Variants in CAPSL observed in about 807,000 individuals in gnomAD.
CAPSL encodes calcyphosin-like protein.
In CAPSL, 17 loss-of-function variants were observed where a neutral mutation model predicts 21.3. The observed-to-expected ratio is 0.80, with a 90% CI of 0.55 to 1.20. The LOEUF (loss-of-function observed/expected upper bound fraction) is 1.20. Ranked by LOEUF, CAPSL falls within the 50% of genes most tolerant of loss-of-function variation. The pLI is 0.00. For synonymous variants in CAPSL, 102 were observed against 89.3 expected (o/e 1.14, Z -0.80); for missense variants, 289 against 259.3 (o/e 1.11, Z -0.79).
intron 2 of CAPSL, among the ~76,000 whole-genome samples, chr5:35,913,985 A>G (rs1738301264): frequency 1.3e-5 from 2 of 152,228 alleles, no homozygotes. Context: ...AGAGACACAC[A>G]CAGGCTCACA....
intron 2 of CAPSL, among the ~76,000 whole-genome samples, chr5:35,912,705 T>C (rs1349172107): frequency 1.3e-5 from 2 of 152,124 alleles, no homozygotes; most frequent in Non-Finnish European, 2.9e-5. Context: ...CAAAACCTCA[T>C]CTGTATGTCA....
At chr5:35,918,861 A>T (rs1326847768) in intron 2 of CAPSL, among the ~76,000 whole-genome samples, 2 of 152,118 alleles carry the variant, frequency 1.3e-5, no homozygotes, top group Admixed American at 1.3e-4. Flanking sequence ...CTATCATAAG[A>T]GTCCAGTGAA....
chr5:35,926,789 G>A (rs1410396739), intron 1 of CAPSL, among the ~76,000 whole-genome samples: 2 of 152,252 alleles, frequency 1.3e-5, no homozygotes, highest in East Asian at 1.9e-4. Context: ...AGGCACCAAC[G>A]CTTTTACATC....
At chr5:35,911,309 T>C (rs950716022) in intron 2 of CAPSL, among the ~76,000 whole-genome samples, 3 of 152,182 alleles carry the variant, frequency 2.0e-5, no homozygotes, top group African/African-American at 7.2e-5. Flanking sequence ...GGAAGCAACT[T>C]TACAATGGAG....
intron 2 of CAPSL, among the ~76,000 whole-genome samples, chr5:35,910,820 T>C (rs1429651657): frequency 6.6e-6 from 1 of 152,168 alleles, no homozygotes; most frequent in Admixed American, 6.5e-5. Context: ...GTTGAATTGG[T>C]GAAACATGGG....
At chr5:35,912,497 T>A (rs1366905079) in intron 2 of CAPSL, among the ~76,000 whole-genome samples, 1 of 152,112 alleles carries the variant, frequency 6.6e-6, no homozygotes, top group African/African-American at 2.4e-5. Context: ...GGCCAGGTAC[T>A]CCTCTGAGAC....
chr5:35,922,912 C>T (rs852249), intron 1 of CAPSL, among the ~76,000 whole-genome samples: 1 of 151,856 alleles, frequency 6.6e-6, no homozygotes, highest in Non-Finnish European at 1.5e-5. Flanking sequence ...CTGTCTTACT[C>T]ATCCTTGCCT....
Position 35,930,828 on chromosome 5 carries a change from T to C in CAPSL, c.-1+7713A>G, listed in dbSNP as rs182403012. Among the ~76,000 whole-genome samples the C allele has an allele frequency of 5.9e-5, 9 of 152,316 alleles. No homozygotes were observed. The East Asian group carries it at 1.7e-3, about 29-fold the overall frequency. ...TTTTTCTCTGCCCTATTCCACTTTC[T>C]ACTGGGTAGGCACAGGAACCAGTTC... On this transcript the variant is annotated intron_variant, in intron 1 of 4. Coordinates refer to ENST00000651391, the MANE Select transcript of CAPSL (RefSeq NM_001042625.2).
chr5:35,915,089 CAAATAAACTAGA>C (rs1738337948), intron 2 of CAPSL, among the ~76,000 whole-genome samples: 1 of 152,166 alleles, frequency 6.6e-6, no homozygotes, highest in Non-Finnish European at 1.5e-5. Context: ...CACTTCTATG[CAAATAAACTAGA>C]AAATCTAGAA....
intron 2 of CAPSL, among the ~76,000 whole-genome samples, chr5:35,916,717 A>C (rs923323523): frequency 2.0e-5 from 3 of 152,252 alleles, no homozygotes; most frequent in Non-Finnish European, 4.4e-5. Context: ...AATTAATTCA[A>C]GATGGATTAA....
At position 35,911,232 on chromosome 5, in the gene CAPSL, C is replaced by T. The variant is rs1032115254; in HGVS notation, c.138-689G>A. ...TCTCAAGGAGGGAACATATACTCCCCACTCTCTAAGTGTGGGCTCTACAAA... is the reference window on the plus strand; with the variant it reads ...TCTCAAGGAGGGAACATATACTCCCTACTCTCTAAGTGTGGGCTCTACAAA... On this transcript the variant is annotated intron_variant, in intron 2 of 4. Transcript: ENST00000651391. Among the ~76,000 whole-genome samples the T allele has an allele frequency of 2.6e-5, 4 of 152,164 alleles. No homozygotes were observed. The South Asian group carries it at 8.3e-4, about 32-fold the overall frequency.
intron 4 of CAPSL, among the ~76,000 whole-genome samples, chr5:35,905,038 GGTAA>G (rs1454463183): frequency 1.3e-5 from 2 of 152,098 alleles, no homozygotes; most frequent in Non-Finnish European, 2.9e-5. Flanking sequence ...CTTGTGTCAG[GGTAA>G]GTGATGTTTT....
chr5:35,937,869 C>T (rs191349762), intron 1 of CAPSL, among the ~76,000 whole-genome samples: 15 of 150,306 alleles, frequency 1.0e-4, no homozygotes, highest in Non-Finnish European at 2.2e-4. Flanking sequence ...ATTTCATCTA[C>T]TTAATATGGT....
At chr5:35,917,689 GGGAAC>G (rs1274249847) in intron 2 of CAPSL, among the ~76,000 whole-genome samples, 1 of 152,074 alleles carries the variant, frequency 6.6e-6, no homozygotes, top group Non-Finnish European at 1.5e-5. Flanking sequence ...ACACAGGAAG[GGGAAC>G]ATCACACACC....
At chr5:35,930,834 G>C (rs1254424600) in intron 1 of CAPSL, among the ~76,000 whole-genome samples, 1 of 152,082 alleles carries the variant, frequency 6.6e-6, no homozygotes, top group Non-Finnish European at 1.5e-5. Flanking sequence ...TTTCTACTGG[G>C]TAGGCACAGG....
intron 4 of CAPSL, 104 bp from the exon 5 acceptor site, chr5:35,904,750 T>G: frequency 6.6e-7 from 1 of 1,510,640 alleles, no homozygotes; most frequent in Admixed American, 2.2e-5. Context: ...GAGGATTTCT[T>G]TGTGTATGTG....
chr5:35,908,946 A>C (rs1476511605), intron 4 of CAPSL, among the ~76,000 whole-genome samples: 2 of 152,150 alleles, frequency 1.3e-5, no homozygotes, highest in Non-Finnish European at 1.5e-5. Context: ...CCACTGGGCC[A>C]CTTATCTTTT....
intron 1 of CAPSL, among the ~76,000 whole-genome samples, chr5:35,925,109 AT>A (rs757832040): frequency 6.6e-6 from 1 of 152,224 alleles, no homozygotes; most frequent in East Asian, 1.9e-4. Context: ...GCGTCTGCAC[AT>A]TCCCCCGGCC....
intron 1 of CAPSL, among the ~76,000 whole-genome samples, chr5:35,926,681 C>T (rs535398964): frequency 6.6e-6 from 1 of 152,142 alleles, no homozygotes; most frequent in Non-Finnish European, 1.5e-5. Flanking sequence ...CTCTTCCTTT[C>T]TCTGTTCCTC....
Sources: gnomAD v4.1 joint callset for allele counts (sites outside exome capture counted in the v4.1 genomes callset) on GRCh38, gnomAD v4.1.1 for gene constraint, MANE v1.5 for transcripts, NCBI Gene and HGNC (gene_info 2026-07-23, HGNC 2026-07-21) for gene names.